Variants in DNMBP observed in about 807,000 individuals in gnomAD.
DNMBP encodes dynamin binding protein.
DNMBP carries 87 observed loss-of-function variants against 150.0 expected under a neutral mutation model. The observed-to-expected ratio is 0.58, with a 90% CI of 0.49 to 0.69. The LOEUF (loss-of-function observed/expected upper bound fraction) is 0.69. Ranked by LOEUF, DNMBP falls within the 30% of genes least tolerant of loss-of-function variation. DNMBP has a pLI of 0.00. For synonymous variants in DNMBP, 711 were observed against 750.4 expected (o/e 0.95, Z 0.86); for missense variants, 1,774 against 1,949.0 (o/e 0.91, Z 1.69).
In DNMBP at chr10:99,886,370, A is replaced by G; in HGVS notation, c.3548T>C (p.Val1183Ala). ...QYAQGLFTNCVHGYAEAHCDF... is the reference protein window; with the variant it reads ...QYAQGLFTNCAHGYAEAHCDF... ...ACAGTGGGCTTCAGCATAGCCGTGG[A>G]CACAGTTGGTGAAGAGGCCCTGGGC... The change falls in exon 13 of 17, where the codon GTC becomes GCC. Residue 1183 changes from valine to alanine, a missense_variant. Val to Ala is a moderately conservative substitution (Grantham distance 64). This residue lies in a region of DNMBP where 1,430 missense variants were observed against 1,492.5 expected (regional missense o/e 0.96). Coordinates refer to ENST00000324109, the MANE Select transcript of DNMBP (RefSeq NM_015221.4). The G allele has an allele frequency of 6.2e-7, 1 of 1,614,160 alleles. No individual in the cohort carries two copies. The highest frequency in any genetic ancestry group is 8.5e-7 in the Non-Finnish European group (1 of 1,180,040).
chr10:99,899,776 CA>C, intron 7 of DNMBP, 142 bp downstream of exon 7: 1 of 967,030 alleles, frequency 1.0e-6, no homozygotes, highest in Non-Finnish European at 1.6e-6. Flanking sequence ...GACAAAAATA[CA>C]ATCAGGAAAC....
Position 99,957,068 on chromosome 10 carries a change from G to T in DNMBP, c.406C>A (p.Gln136Lys). The T allele has an allele frequency of 6.2e-7, 1 of 1,614,170 alleles. No homozygotes were observed. The highest frequency in any genetic ancestry group is 8.5e-7 in the Non-Finnish European group (1 of 1,180,034). ...TCCGGAATCTGAAACAGGGCGCTCT[G>T]GGAGTGCCACTGCCGGCTCTGTGAG... ...LSSQSRQWHS[Q>K]SALFQIPEYS... The change falls in exon 4 of 17, where the codon CAG becomes AAG. Residue 136 changes from glutamine (Q) to lysine (K), a missense_variant. By Grantham distance (53) the Gln-to-Lys change is moderately conservative. Around this residue, in one of 2 missense-constraint regions of DNMBP, gnomAD observed 344 missense variants for 456.6 expected, o/e 0.75. Transcript: ENST00000324109.
rs778985081 is a variant in DNMBP at position 99,972,131 on chromosome 10, T to C, written c.-7A>G. On this transcript the variant is annotated 5_prime_UTR_variant, in exon 2 of 17. Coordinates refer to ENST00000324109, the MANE Select transcript of DNMBP (RefSeq NM_015221.4). ...CCACTGAGCCAGCCTCCATGTTTTATAACCTGGAAAGATAGATCAAGAGAA... is the reference window on the plus strand; with the variant it reads ...CCACTGAGCCAGCCTCCATGTTTTACAACCTGGAAAGATAGATCAAGAGAA... 4 of 1,609,932 alleles carry C rather than the reference T, an allele frequency of 2.5e-6. No homozygotes were observed. The highest frequency in any genetic ancestry group is 3.4e-6 in the Non-Finnish European group (4 of 1,178,802).
chr10:99,907,951 GT>G (rs1212022005), intron 6 of DNMBP, 43 bp downstream of exon 6: 2 of 1,519,900 alleles, frequency 1.3e-6, no homozygotes, highest in East Asian at 4.5e-5. Flanking sequence ...TGCCCATGAA[GT>G]TTTTTTAAAA....
chr10:99,961,539 G>C (rs1183342528), intron 3 of DNMBP, among the ~76,000 whole-genome samples: 1 of 147,486 alleles, frequency 6.8e-6, no homozygotes. Flanking sequence ...TGGGATTTCA[G>C]GTATGAGCCA....
chr10:99,904,717 A>T (rs2039799458), intron 6 of DNMBP, among the ~76,000 whole-genome samples: 1 of 152,222 alleles, frequency 6.6e-6, no homozygotes, highest in Non-Finnish European at 1.5e-5. Flanking sequence ...TGTGTCTTCA[A>T]CACATCGAAG....
chr10:100,003,493 A>T (rs987164851), intron 1 of DNMBP, among the ~76,000 whole-genome samples: 2 of 152,232 alleles, frequency 1.3e-5, no homozygotes, highest in African/African-American at 2.4e-5. Context: ...GCTTTAAATT[A>T]TTTCCAAAAT....
chr10:99,893,165 T>G (rs1240420317), intron 11 of DNMBP, among the ~76,000 whole-genome samples: 1 of 152,250 alleles, frequency 6.6e-6, no homozygotes, highest in African/African-American at 2.4e-5. Context: ...AACACTGAGT[T>G]AGCAAGGGAT....
intron 11 of DNMBP, among the ~76,000 whole-genome samples, chr10:99,890,848 C>T (rs11817930): frequency 0.011 from 1,745 of 152,204 alleles, 31 homozygotes; most frequent in African/African-American, 0.04. Flanking sequence ...GGTTTCACCA[C>T]GTTGGCCAGG....
intron 7 of DNMBP, 73 bp downstream of exon 7, chr10:99,899,846 T>A (rs756246947): frequency 6.8e-7 from 1 of 1,480,782 alleles, no homozygotes; most frequent in Non-Finnish European, 9.4e-7. Context: ...CATCATCAAG[T>A]CCAGGCATAT....
intron 1 of DNMBP, among the ~76,000 whole-genome samples, chr10:99,977,137 C>T (rs1057428282): frequency 6.6e-6 from 1 of 152,112 alleles, no homozygotes; most frequent in Non-Finnish European, 1.5e-5. Flanking sequence ...ACTGACTGAC[C>T]TCCTACTCCA....
chr10:99,939,008 G>A (rs2040264714), intron 4 of DNMBP, among the ~76,000 whole-genome samples: 1 of 152,114 alleles, frequency 6.6e-6, no homozygotes, highest in Admixed American at 6.5e-5. Flanking sequence ...TGCCCAGAGT[G>A]GATAGACTGC....
intron 1 of DNMBP, among the ~76,000 whole-genome samples, chr10:99,998,486 G>A (rs114479300): frequency 0.012 from 1,880 of 150,592 alleles, 39 homozygotes; most frequent in African/African-American, 0.042. Flanking sequence ...AGGCTGGGGC[G>A]GGAGAATCGC....
intron 4 of DNMBP, among the ~76,000 whole-genome samples, chr10:99,919,889 C>T (rs2040003802): frequency 1.3e-5 from 2 of 152,174 alleles, no homozygotes; most frequent in South Asian, 2.1e-4. Context: ...AGCAAAATAA[C>T]TGGAGTTAAA....
intron 15 of DNMBP, among the ~76,000 whole-genome samples, chr10:99,882,923 C>G (rs2039392294): frequency 6.6e-6 from 1 of 151,970 alleles, no homozygotes; most frequent in South Asian, 2.1e-4. Flanking sequence ...AACAGTTAGC[C>G]AGGTGTGGTG....
intron 5 of DNMBP, among the ~76,000 whole-genome samples, chr10:99,908,499 A>G (rs2133244890): frequency 6.6e-6 from 1 of 152,328 alleles, no homozygotes; most frequent in South Asian, 2.1e-4. Flanking sequence ...AAACCCCAGG[A>G]CATTGTTACC....
At chr10:99,965,779 G>A (rs557679045) in intron 3 of DNMBP, among the ~76,000 whole-genome samples, 2 of 152,270 alleles carry the variant, frequency 1.3e-5, no homozygotes, top group Admixed American at 1.3e-4. Context: ...TTACAGGCTT[G>A]AGCTACCATG....
intron 1 of DNMBP, among the ~76,000 whole-genome samples, chr10:99,979,458 T>G (rs2040761809): frequency 1.3e-5 from 2 of 152,200 alleles, no homozygotes; most frequent in African/African-American, 4.8e-5. Context: ...CTTTGGCAGT[T>G]ACCTATTAAT....
At chr10:99,966,830 G>A (rs1038311542) in intron 3 of DNMBP, among the ~76,000 whole-genome samples, 3 of 152,042 alleles carry the variant, frequency 2.0e-5, no homozygotes, top group Non-Finnish European at 2.9e-5. Context: ...GCCCAAGCTG[G>A]AGTGTAGTGG....
Sources: allele counts gnomAD v4.1 joint callset (sites outside exome capture counted in the v4.1 genomes callset), GRCh38; gene constraint gnomAD v4.1.1; regional missense constraint gnomAD v4.1.1; transcripts MANE v1.5; gene names NCBI Gene and HGNC (gene_info 2026-07-23, HGNC 2026-07-21).